Variants in NIBAN1 observed in about 807,000 individuals in gnomAD.
NIBAN1 encodes the protein protein Niban 1.
In NIBAN1, 81 loss-of-function variants were observed where a neutral mutation model predicts 75.1. The observed-to-expected ratio is 1.08, with a 90% confidence interval of 0.90 to 1.30. The LOEUF is 1.30. Ranked by LOEUF, NIBAN1 falls within the 50% of genes most tolerant of loss-of-function variation. The pLI is 0.00. For missense variants in NIBAN1, 1,133 were observed against 1,128.1 expected (o/e 1.00, Z -0.06); for synonymous variants, 436 against 424.8 (o/e 1.03, Z -0.32).
At chr1:184,842,738 T>A (rs1309428447) in intron 5 of NIBAN1, among the ~76,000 whole-genome samples, 2 of 144,060 alleles carry the variant, frequency 1.4e-5, no homozygotes, top group Non-Finnish European at 3.0e-5. Flanking sequence ...CATTGCAGCC[T>A]GGGCGACAAA....
Position 184,845,643 on chromosome 1 carries a change from G to C in NIBAN1, c.602-13681C>G, listed in dbSNP as rs773759223. Among the ~76,000 whole-genome samples the C allele has an allele frequency of 3.2e-4, 9 of 28,252 alleles. 4 individuals carry two copies. The highest frequency in any genetic ancestry group is 5.1e-4 in the Non-Finnish European group (7 of 13,698). 18.5% of individuals were successfully genotyped at this position (28,252 alleles called of 152,430 possible). A position where few individuals can be genotyped will look rare whatever the true frequency, so the allele number is the denominator to read the frequency against. ...GAGCCAAGATGGCCGAATAGGAACA[G>C]CTCCGGTCTACAGATCCCAGCGTAA... On this transcript the variant is annotated intron_variant, in intron 5 of 13. Transcript: ENST00000367511.
At position 184,794,040 on chromosome 1, in the gene NIBAN1, A is replaced by G. The variant is rs957230419; in HGVS notation, c.*937T>C. The G allele has an allele frequency of 2.6e-5, 4 of 152,008 alleles. No individual in the cohort carries two copies. The highest frequency in any genetic ancestry group is 5.9e-5 in the Non-Finnish European group (4 of 68,010). The allele number at this position is 152,008 out of a possible 1,614,324, so 9.4% of individuals were successfully genotyped here. On this transcript the variant is annotated 3_prime_UTR_variant, in exon 14 of 14. Transcript: ENST00000367511. ...GCTGTCATAGTTTAAAAATTGGCATATGTTCTCTTCCAGATTAAATTCCCT... is the reference window on the plus strand; with the variant it reads ...GCTGTCATAGTTTAAAAATTGGCATGTGTTCTCTTCCAGATTAAATTCCCT...
chr1:184,884,381 G>A (rs932723504), intron 5 of NIBAN1, among the ~76,000 whole-genome samples: 9 of 151,630 alleles, frequency 5.9e-5, no homozygotes, highest in African/African-American at 2.2e-4. Flanking sequence ...CCACCACCAC[G>A]TCCAGCTATA....
At chr1:184,839,779 T>G (rs1383892642) in intron 5 of NIBAN1, among the ~76,000 whole-genome samples, 1 of 152,078 alleles carries the variant, frequency 6.6e-6, no homozygotes, top group Non-Finnish European at 1.5e-5. Context: ...TATTTTTTAG[T>G]ATAGACGGGG....
Position 184,807,161 on chromosome 1 carries a change from G to A in NIBAN1, c.1335+913C>T, listed in dbSNP as rs138643946. On this transcript the variant is annotated intron_variant, in intron 10 of 13. Transcript: ENST00000367511. ...GCTCCCTGAAGTGGGATCTGGTACA[G>A]TGTCCGGCCCACAGTAATCTCTCCT... is the stretch of plus-strand genomic sequence containing the variant. Among the ~76,000 whole-genome samples, 297 of 152,272 alleles carry A rather than the reference G, an allele frequency of 2.0e-3. 3 individuals carry two copies. Among genetic ancestry groups the A allele is most frequent in the African/African-American group, 7.0e-3 (289 of 41,538 alleles).
intron 1 of NIBAN1, among the ~76,000 whole-genome samples, chr1:184,934,944 C>T (rs1017163425): frequency 1.3e-5 from 2 of 152,050 alleles, no homozygotes; most frequent in African/African-American, 4.8e-5. Context: ...GTGGCATGCA[C>T]CTGCAGTGCC....
intron 5 of NIBAN1, among the ~76,000 whole-genome samples, chr1:184,844,042 C>G (rs1655369128): frequency 6.6e-6 from 1 of 152,192 alleles, no homozygotes; most frequent in African/African-American, 2.4e-5. Flanking sequence ...GAAGATGCTT[C>G]TTTAGTCACG....
intron 1 of NIBAN1, among the ~76,000 whole-genome samples, chr1:184,936,973 G>A (rs1657976994): frequency 6.6e-6 from 1 of 152,008 alleles, no homozygotes; most frequent in Non-Finnish European, 1.5e-5. Context: ...CTTATATGAA[G>A]TCACACTACA....
chr1:184,889,414 A>G (rs2101975913), intron 4 of NIBAN1, among the ~76,000 whole-genome samples: 1 of 152,304 alleles, frequency 6.6e-6, no homozygotes, highest in African/African-American at 2.4e-5. Context: ...TCCCAGCTTT[A>G]TTTATAGATA....
rs1306562813 is a variant in NIBAN1, at chr1:184,803,633, T to G, written c.1506A>C (p.Gln502His). 1.2e-6 allele frequency: 2 copies of G among 1,614,232 alleles called. No individual in the cohort carries two copies. Among genetic ancestry groups the G allele is most frequent in the South Asian group, 2.2e-5 (2 of 91,086 alleles). ...RKKIFQEALV[Q>H]ITLPTVQKAL... ...CCTTCTGCACAGTGGGAAGTGTGATTTGAACTAGTGCCTCTTGAAATATCT... is the reference window on the plus strand; with the variant it reads ...CCTTCTGCACAGTGGGAAGTGTGATGTGAACTAGTGCCTCTTGAAATATCT... Residue 502 changes from glutamine to histidine, a missense_variant, in exon 12 of 14, where the codon CAA becomes CAC. Transcript: ENST00000367511.
In NIBAN1 at chr1:184,898,803, C is replaced by T. The variant is rs557535913; in HGVS notation, c.186+376G>A. Among the ~76,000 whole-genome samples the T allele has an allele frequency of 9.9e-5, 15 of 152,096 alleles. No homozygotes were observed. In the South Asian group the frequency reaches 1.3e-3, roughly 13 times the overall value. On this transcript the variant is annotated intron_variant, in intron 2 of 13. Transcript: ENST00000367511. ...ATAGTAGGTGCTAACAAACATTTGT[C>T]GAGGTGGTGGTTACTTATTATAATG...
At chr1:184,906,065 T>G (rs1262208402) in intron 1 of NIBAN1, among the ~76,000 whole-genome samples, 1 of 150,672 alleles carries the variant, frequency 6.6e-6, no homozygotes, top group East Asian at 2.0e-4. Context: ...TAGAGAGACC[T>G]TGACTCTACA....
Position 184,838,673 on chromosome 1 carries a change from T to C in NIBAN1, c.602-6711A>G, listed in dbSNP as rs1655201984. On this transcript the variant is annotated intron_variant, in intron 5 of 13. Coordinates refer to ENST00000367511, the MANE Select transcript of NIBAN1 (RefSeq NM_052966.4). ...ATGGGGCCAGCCAGAGAGGAGCTGC[T>C]TTTATTTTTTTCCACTTATACAGAT... Among the ~76,000 whole-genome samples the C allele has an allele frequency of 2.0e-5, 3 of 147,970 alleles. No individual in the cohort carries two copies. In the South Asian group the frequency reaches 6.2e-4, roughly 31 times the overall value.
At chr1:184,947,152 T>C (rs866001798) in intron 1 of NIBAN1, among the ~76,000 whole-genome samples, 10 of 152,308 alleles carry the variant, frequency 6.6e-5, no homozygotes, top group Middle Eastern at 3.4e-3. Flanking sequence ...GTAGTCCAAG[T>C]CTTTGAGATC....
intron 5 of NIBAN1, among the ~76,000 whole-genome samples, chr1:184,881,664 T>C (rs867677147): frequency 1.3e-5 from 2 of 152,160 alleles, no homozygotes; most frequent in Non-Finnish European, 2.9e-5. Context: ...TTTTTATGGT[T>C]ATTTCTTGAT....
chr1:184,860,102 C>T (rs2102274477), intron 5 of NIBAN1, among the ~76,000 whole-genome samples: 1 of 152,188 alleles, frequency 6.6e-6, no homozygotes, highest in African/African-American at 2.4e-5. Flanking sequence ...CATGAACTAG[C>T]TGAAAATGAA....
At chr1:184,855,798 C>T (rs552691596) in intron 5 of NIBAN1, among the ~76,000 whole-genome samples, 1 of 152,276 alleles carries the variant, frequency 6.6e-6, no homozygotes, top group East Asian at 1.9e-4. Context: ...TAGAACTTGG[C>T]ACACACTATA....
At chr1:184,804,319 G>A (rs1167222439) in intron 11 of NIBAN1, among the ~76,000 whole-genome samples, 1 of 152,244 alleles carries the variant, frequency 6.6e-6, no homozygotes, top group Non-Finnish European at 1.5e-5. Context: ...AATAGTTAAA[G>A]AGATGAAGGT....
At chr1:184,865,857 G>C (rs1031108670) in intron 5 of NIBAN1, among the ~76,000 whole-genome samples, 5 of 152,170 alleles carry the variant, frequency 3.3e-5, no homozygotes, top group African/African-American at 9.7e-5. Flanking sequence ...TTGTAAAGCT[G>C]ATGGAAAATG....
Sources: allele counts gnomAD v4.1 joint callset (sites outside exome capture counted in the v4.1 genomes callset), GRCh38; gene constraint gnomAD v4.1.1; transcripts MANE v1.5; gene names NCBI Gene and HGNC (gene_info 2026-07-23, HGNC 2026-07-21).